Variants in PRKCZ observed in about 807,000 individuals in gnomAD.
The protein encoded by PRKCZ is protein kinase C zeta.
In PRKCZ, 33 loss-of-function variants were observed where a neutral mutation model predicts 79.5. That is an observed-to-expected ratio of 0.41 (90% confidence interval 0.31 to 0.55). The LOEUF (loss-of-function observed/expected upper bound fraction) is 0.55. PRKCZ is among the 20% of genes least tolerant of loss of function. PRKCZ has a pLI of 0.19. For synonymous variants in PRKCZ, 342 were observed against 320.9 expected, an observed-to-expected ratio of 1.07 and a Z score of -0.70; for missense variants, 578 against 813.5, an observed-to-expected ratio of 0.71 and a Z score of 3.52.
At chr1:2,058,534 G>A (rs943645332) in intron 3 of PRKCZ, among the ~76,000 whole-genome samples, 1 of 152,088 alleles carries the variant, frequency 6.6e-6, no homozygotes, top group Non-Finnish European at 1.5e-5. Flanking sequence ...GGTTGTGATA[G>A]TAAGCACATT....
chr1:2,165,973 A>G lies in PRKCZ; in HGVS notation c.975-3545A>G, dbSNP rs1476379427. Among the ~76,000 whole-genome samples the G allele has an allele frequency of 2.0e-5, 3 of 151,922 alleles. No individual in the cohort carries two copies. Among genetic ancestry groups the G allele is most frequent in the Non-Finnish European group, 4.4e-5 (3 of 67,948 alleles). On this transcript the variant is annotated intron_variant, in intron 10 of 17. Coordinates refer to ENST00000378567, the MANE Select transcript of PRKCZ (RefSeq NM_002744.6). This position sits in a 1 kb window ranked among gnomAD's most constrained non-coding sequence, Gnocchi z 4.1. The stretch of plus-strand genomic sequence containing the variant: ...TGCGGCCACTGTCCCTCCATTTCCC[A>G]TGTCTGTTGGATGGTGCCGGTTCCA...
At chr1:2,159,243 A>G (rs929090654) in intron 10 of PRKCZ, among the ~76,000 whole-genome samples, 1 of 152,274 alleles carries the variant, frequency 6.6e-6, no homozygotes, top group South Asian at 2.1e-4. Flanking sequence ...CAAAGCCAAC[A>G]TCGGCAAGGC....
intron 4 of PRKCZ, among the ~76,000 whole-genome samples, chr1:2,112,930 G>A (rs1670048266): frequency 1.3e-5 from 2 of 152,196 alleles, no homozygotes; most frequent in African/African-American, 2.4e-5. Flanking sequence ...GACCTCAGGC[G>A]ATCCGCCTGC....
At chr1:2,152,955 A>T (rs1680193947) in intron 9 of PRKCZ, among the ~76,000 whole-genome samples, 2 of 152,266 alleles carry the variant, frequency 1.3e-5, no homozygotes, top group African/African-American at 4.8e-5. Context: ...AGGTTCGCGT[A>T]CAAGAATCTG....
rs958981939 is a variant in PRKCZ at position 2,067,976 on chromosome 1, T to C, written c.334+8385T>C. 3.7e-4 allele frequency among the ~76,000 whole-genome samples: 57 copies of C among 152,194 alleles called. 1 individual carries two copies. Among genetic ancestry groups the C allele is most frequent in the African/African-American group, 1.4e-3 (57 of 41,436 alleles). On this transcript the variant is annotated intron_variant, in intron 4 of 17. Transcript: ENST00000378567. The stretch of plus-strand genomic sequence containing the variant: ...CTGACCTGGGACGGGGCCCTTCTCT[T>C]GGACTTGAGCAGATGAGACTCACAG...
chr1:2,100,604 T>A (rs1426805461), intron 4 of PRKCZ, among the ~76,000 whole-genome samples: 4 of 152,162 alleles, frequency 2.6e-5, no homozygotes, highest in African/African-American at 9.7e-5. Flanking sequence ...GTCTGTTCCT[T>A]CTGGGGTGTG....
chr1:2,062,923 C>A (rs1355696169), intron 4 of PRKCZ, among the ~76,000 whole-genome samples: 2 of 152,188 alleles, frequency 1.3e-5, no homozygotes, highest in African/African-American at 2.4e-5. Flanking sequence ...ATGAAACACT[C>A]ACTCCCCATT....
In PRKCZ at chr1:2,121,548, GTAGTTAGGGCTATGGCT is replaced by G. The variant is rs1321776545; in HGVS notation, c.335-13713_335-13697del. On this transcript the variant is annotated intron_variant, in intron 4 of 17. Coordinates refer to ENST00000378567, the MANE Select transcript of PRKCZ (RefSeq NM_002744.6). The stretch of plus-strand genomic sequence containing the variant: ...CATGGCAGTAGTTAGGGTTATATCA[GTAGTTAGGGCTATGGCT>G]GTAGTTAGGGTGATGGTGGTAGTTA... Among the ~76,000 whole-genome samples, 32 of 135,552 alleles carry G rather than the reference GTAGTTAGGGCTATGGCT, an allele frequency of 2.4e-4. 3 individuals carry two copies. Among genetic ancestry groups the G allele is most frequent in the African/African-American group, 7.4e-4 (30 of 40,280 alleles). 88.9% of individuals were successfully genotyped at this position (135,552 alleles called of 152,430 possible).
chr1:2,096,471 C>T (rs1186990133), intron 4 of PRKCZ, among the ~76,000 whole-genome samples: 4 of 152,034 alleles, frequency 2.6e-5, no homozygotes, highest in East Asian at 1.9e-4. Flanking sequence ...CGCGGTTGTA[C>T]GGACTTCGTG....
chr1:2,105,263 G>A (rs1668180716), intron 4 of PRKCZ, among the ~76,000 whole-genome samples: 1 of 152,216 alleles, frequency 6.6e-6, no homozygotes. Context: ...GTCCCTGCCT[G>A]GGGGTGAGGG....
intron 5 of PRKCZ, 58 bp downstream of exon 5, chr1:2,135,405 AAG>A (rs1675979773): frequency 6.8e-7 from 1 of 1,464,862 alleles, no homozygotes; most frequent in Non-Finnish European, 9.3e-7. Flanking sequence ...TTTAAAAGCA[AAG>A]AGAGAGGAGG....
chr1:2,165,780 C>T lies in PRKCZ; in HGVS notation c.975-3738C>T, dbSNP rs1177514496. Among the ~76,000 whole-genome samples the T allele has an allele frequency of 6.6e-6, 1 of 152,132 alleles. No individual in the cohort carries two copies. Among genetic ancestry groups the T allele is most frequent in the East Asian group, 1.9e-4 (1 of 5,172 alleles). ...CGTCTCCTGTGCCTCCAGGAGAGGG[C>T]TGTGGTTCCTCCCTCTGAGCCGGGC... On this transcript the variant is annotated intron_variant, in intron 10 of 17. Coordinates refer to ENST00000378567, the MANE Select transcript of PRKCZ (RefSeq NM_002744.6). The surrounding 1 kb of genome is among the most constrained non-coding windows in gnomAD (Gnocchi z 4.1).
At chr1:2,101,355 G>A (rs1230159679) in intron 4 of PRKCZ, among the ~76,000 whole-genome samples, 2 of 151,996 alleles carry the variant, frequency 1.3e-5, no homozygotes, top group Admixed American at 6.6e-5. Flanking sequence ...TCCCCTCCTC[G>A]CCCCTTCTCT....
Position 2,174,708 on chromosome 1 carries a change from A to G in PRKCZ, c.1406-46A>G, listed in dbSNP as rs1685108880. The G allele has an allele frequency of 6.3e-7, 1 of 1,591,494 alleles. No homozygotes were observed. The highest frequency in any genetic ancestry group is 2.2e-5 in the East Asian group (1 of 44,708). On this transcript the variant is annotated intron_variant, in intron 14 of 17. Coordinates refer to ENST00000378567, the MANE Select transcript of PRKCZ (RefSeq NM_002744.6). This position sits in a 1 kb window ranked among gnomAD's most constrained non-coding sequence, Gnocchi z 6.2. Reference sequence around the variant, plus strand: ...TCAGAGTCTGGGCGGCACTGGGCAAATGGCACACAACACAGGCAAGTCCTC... The same window carrying G: ...TCAGAGTCTGGGCGGCACTGGGCAAGTGGCACACAACACAGGCAAGTCCTC...
intron 4 of PRKCZ, among the ~76,000 whole-genome samples, chr1:2,116,040 G>T (rs1670680398): frequency 6.6e-6 from 1 of 152,166 alleles, no homozygotes; most frequent in Admixed American, 6.5e-5. Flanking sequence ...AAGACCAGCC[G>T]CATCCTGGAG....
chr1:2,163,275 CAG>C (rs1244568303), intron 10 of PRKCZ, among the ~76,000 whole-genome samples: 6 of 152,228 alleles, frequency 3.9e-5, no homozygotes, highest in Admixed American at 2.0e-4. Context: ...GGGAGGGCCA[CAG>C]GGGAGAGGAG....
chr1:2,090,922 T>C (rs1665383646), intron 4 of PRKCZ, among the ~76,000 whole-genome samples: 1 of 152,268 alleles, frequency 6.6e-6, no homozygotes, highest in African/African-American at 2.4e-5. Context: ...CATTATGATC[T>C]AAGCAGATTA....
chr1:2,117,751 A>G (rs1671026904), intron 4 of PRKCZ, among the ~76,000 whole-genome samples: 1 of 152,156 alleles, frequency 6.6e-6, no homozygotes, highest in Admixed American at 6.5e-5. Context: ...GTTAATATGA[A>G]TGGTGCTGAA....
chr1:2,087,743 G>C (rs898536710), intron 4 of PRKCZ, among the ~76,000 whole-genome samples: 1 of 152,144 alleles, frequency 6.6e-6, no homozygotes, highest in Non-Finnish European at 1.5e-5. Context: ...TGGGGGTGGC[G>C]GGGGAGGTTA....
Sources: allele counts gnomAD v4.1 joint callset (sites outside exome capture counted in the v4.1 genomes callset), GRCh38; gene constraint gnomAD v4.1.1; non-coding constraint Gnocchi (gnomAD v3.1); transcripts MANE v1.5; gene names NCBI Gene and HGNC (gene_info 2026-07-23, HGNC 2026-07-21).